The following QPCTL variants were observed in gnomAD, a reference collection of about 807,000 sequenced individuals.
The protein encoded by QPCTL is glutaminyl-peptide cyclotransferase-like protein.
A neutral mutation model predicts 34.6 loss-of-function variants in QPCTL; 31 were observed. The ratio of observed to expected loss-of-function variants is 0.90; its 90% CI spans 0.67 to 1.21. The LOEUF is 1.21. QPCTL is among the 50% of genes most tolerant of loss of function. The pLI, the probability that QPCTL is intolerant of heterozygous loss-of-function variation, is 0.00. For missense variants in QPCTL, 474 were observed against 507.8 expected (o/e 0.93, Z 0.64); for synonymous variants, 223 against 226.9 (o/e 0.98, Z 0.15).
At chr19:45,702,515 G>T (rs998268196) in intron 6 of QPCTL, among the ~76,000 whole-genome samples, 3 of 151,402 alleles carry the variant, frequency 2.0e-5, no homozygotes, top group Admixed American at 6.6e-5. Flanking sequence ...TGTAATCCTA[G>T]CACGTTGGGA....
At chr19:45,702,063 T>C (rs2146133446) in intron 6 of QPCTL, 149 bp downstream of exon 6, 1 of 627,108 alleles carries the variant, frequency 1.6e-6, no homozygotes, top group South Asian at 1.9e-5. Flanking sequence ...ATGGGGATAA[T>C]ACTCCCTATC....
chr19:45,703,062 A>G lies in QPCTL; in HGVS notation c.*13A>G. The G allele has an allele frequency of 1.2e-6, 2 of 1,614,122 alleles. No homozygotes were observed. The highest frequency in any genetic ancestry group is 1.7e-6 in the Non-Finnish European group (2 of 1,179,976). On this transcript the variant is annotated 3_prime_UTR_variant, in exon 7 of 7. Transcript: ENST00000012049. ...CCTGGGGCTCTAGCGTGCTTGGCCA[A>G]TGACTGTGGAGAGGACTGTGAGAGA...
Position 45,703,118 on chromosome 19 carries a change from G to A in QPCTL, c.*69G>A, listed in dbSNP as rs887090703. 2 of 1,584,658 alleles carry A rather than the reference G, an allele frequency of 1.3e-6. No homozygotes were observed. The highest frequency in any genetic ancestry group is 1.1e-5 in the South Asian group (1 of 89,616). ...TCCCAGCGGGGGCCAGTGAAGCTCA[G>A]GCAGGATCTGCCTAGGGTGTGCTGG... On this transcript the variant is annotated 3_prime_UTR_variant, in exon 7 of 7. Transcript: ENST00000012049.
In QPCTL at chr19:45,695,734, C is replaced by T. The variant is rs375670990; in HGVS notation, c.633+16C>T. ...CAAAAAACAGGTGAGGAGCAGGAGT[C>T]GGGGAGGGTAGTGGGCTACCTCCAC... is the stretch of plus-strand genomic sequence containing the variant. On this transcript the variant is annotated intron_variant, in intron 3 of 6. Coordinates refer to ENST00000012049, the MANE Select transcript of QPCTL (RefSeq NM_017659.4). The T allele has an allele frequency of 8.8e-6, 14 of 1,582,022 alleles. No individual in the cohort carries two copies. Among genetic ancestry groups the T allele is most frequent in the Middle Eastern group, 1.7e-4 (1 of 6,022 alleles).
At chr19:45,693,294 T>C (rs1327399158) in intron 1 of QPCTL, 119 bp from the exon 2 acceptor site, 2 of 1,323,208 alleles carry the variant, frequency 1.5e-6, no homozygotes, top group Admixed American at 2.3e-5. Flanking sequence ...TCTCCGATGC[T>C]GGAGGCGGCA....
At position 45,692,772 on chromosome 19, in the gene QPCTL, GC is replaced by G. The variant is rs1967596862; in HGVS notation, c.71del (p.Pro24ArgfsTer49). 1 of 1,590,158 alleles carries G rather than the reference GC, an allele frequency of 6.3e-7. No individual in the cohort carries two copies. The highest frequency in any genetic ancestry group is 8.6e-7 in the Non-Finnish European group (1 of 1,168,428). ...GERGLMEPLLPPKRRLLPRVR... is the reference protein window; with the variant it reads ...GERGLMEPLLXPKRRLLPRVR... ...AACGTGGCCTCATGGAGCCACTCTT[GC>G]CGCCGAAGCGCCGCCTGCTACCGCG... On this transcript the variant is annotated frameshift_variant, in exon 1 of 7. Coordinates refer to ENST00000012049, the MANE Select transcript of QPCTL (RefSeq NM_017659.4). LOFTEE classifies it high-confidence loss of function.
rs567658989 is a variant in QPCTL, at chr19:45,695,602, C to G, written c.517C>G (p.Leu173Val). 1 of 1,614,000 alleles carries G rather than the reference C, an allele frequency of 6.2e-7. No homozygotes were observed. Among genetic ancestry groups the G allele is most frequent in the Non-Finnish European group, 8.5e-7 (1 of 1,179,992 alleles). ...LTLACHYDSK[L>V]FPPGSTPFVG... ...CCTTGCCTGCCATTATGACTCGAAG[C>G]TCTTCCCACCCGGATCGACCCCCTT... Residue 173 changes from leucine to valine, a missense_variant, in exon 3 of 7, where the codon CTC (leucine) becomes GTC (valine). Leu to Val is a conservative substitution (Grantham distance 32). Transcript: ENST00000012049.
At chr19:45,698,273 A>C (rs1393877513) in intron 3 of QPCTL, among the ~76,000 whole-genome samples, 5 of 151,968 alleles carry the variant, frequency 3.3e-5, no homozygotes, top group East Asian at 1.9e-4. Flanking sequence ...ACAAAAAAAA[A>C]ACAAAAAACC....
In QPCTL at chr19:45,693,544, C is replaced by T. The variant is rs766813988; in HGVS notation, c.339C>T (p.Leu113=). The T allele has an allele frequency of 1.2e-6, 2 of 1,611,876 alleles. No homozygotes were observed. The highest frequency in any genetic ancestry group is 8.5e-7 in the Non-Finnish European group (1 of 1,178,778). The part of the protein sequence containing the change: ...VVRTPGSPGN[L]QVRKFLEATL... ...GAACCCCGGGCAGCCCGGGAAATCT[C>T]CAAGTCAGAAAGGTAAAGGGACCCA... Residue 113 remains leucine (L), a synonymous_variant, in exon 2 of 7, where the codon CTC becomes CTT. Transcript: ENST00000012049.
intron 3 of QPCTL, among the ~76,000 whole-genome samples, 161 bp downstream of exon 3, chr19:45,695,879 C>T (rs908940320): frequency 6.7e-6 from 1 of 148,906 alleles, no homozygotes; most frequent in African/African-American, 2.5e-5. Flanking sequence ...GAGTTTCGCT[C>T]TTGTTCCCCA....
chr19:45,700,757 G>A (rs1003264011), intron 5 of QPCTL, among the ~76,000 whole-genome samples: 13 of 152,024 alleles, frequency 8.6e-5, no homozygotes, highest in Admixed American at 5.9e-4. Context: ...TCAGCAGTTC[G>A]AGACCAGCTT....
Position 45,695,376 on chromosome 19 carries a change from G to A in QPCTL, c.352-61G>A, listed in dbSNP as rs1043119030. On this transcript the variant is annotated intron_variant, in intron 2 of 6. Transcript: ENST00000012049. ...TGCTCTGCATGGCTCAGGTCACGTG[G>A]CCCTTCTCCCCACCTCCTCCCCAGT... The A allele has an allele frequency of 9.4e-6, 14 of 1,487,686 alleles. No homozygotes were observed. The African/African-American group carries it at 1.4e-4, about 15-fold the overall frequency. 92.2% of individuals were successfully genotyped at this position (1,487,686 alleles called of 1,614,324 possible).
intron 6 of QPCTL, among the ~76,000 whole-genome samples, chr19:45,702,232 G>C (rs546736863): frequency 6.6e-6 from 1 of 151,684 alleles, no homozygotes; most frequent in Non-Finnish European, 1.5e-5. Flanking sequence ...GGGGTGGCGG[G>C]GGGGGATCCT....
rs1967671422 is a variant in QPCTL, at chr19:45,695,438, T to A, written c.353T>A (p.Phe118Tyr). The A allele has an allele frequency of 6.2e-7, 1 of 1,609,922 alleles. No individual in the cohort carries two copies. Among genetic ancestry groups the A allele is most frequent in the Admixed American group, 1.7e-5 (1 of 59,848 alleles). The change falls in exon 3 of 7, where the codon TTC (phenylalanine) becomes TAC (tyrosine). Residue 118 changes from phenylalanine to tyrosine, a missense_variant and splice_region_variant. By Grantham distance (22) the Phe-to-Tyr change is conservative (BLOSUM62 3). Coordinates refer to ENST00000012049, the MANE Select transcript of QPCTL (RefSeq NM_017659.4). ...CTCCCACCTCTCTCTTGCCGCTAGT[T>A]CCTGGAGGCCACGCTGCGGTCCCTG... ...GSPGNLQVRK[F>Y]LEATLRSLTA...
chr19:45,700,975 A>AG, intron 5 of QPCTL, among the ~76,000 whole-genome samples: 2 of 151,244 alleles, frequency 1.3e-5, no homozygotes, highest in Non-Finnish European at 2.9e-5. Context: ...AAAAAAAAAA[A>AG]AAGGCCGGAG....
At chr19:45,695,781 C>T in intron 3 of QPCTL, 63 bp downstream of exon 3, 2 of 1,484,740 alleles carry the variant, frequency 1.3e-6, no homozygotes, top group African/African-American at 1.4e-5. Context: ...CCCCCACCCT[C>T]CCTTGCCTGG....
rs911837357 is a variant in QPCTL at position 45,703,200 on chromosome 19, CTTTT to C, written c.*152_*155del. The C allele has an allele frequency of 2.6e-5, 27 of 1,036,238 alleles. No individual in the cohort carries two copies. The highest frequency in any genetic ancestry group is 3.3e-5 in the Non-Finnish European group (24 of 720,298). 64.2% of individuals were successfully genotyped at this position (1,036,238 alleles called of 1,614,324 possible). On this transcript the variant is annotated 3_prime_UTR_variant, in exon 7 of 7. Coordinates refer to ENST00000012049, the MANE Select transcript of QPCTL (RefSeq NM_017659.4). The stretch of plus-strand genomic sequence containing the variant: ...GTGCTACAATTGGAAGACCTTCTTT[CTTTT>C]GATTGTCTCAAGCTGCCACCCTTCA...
chr19:45,694,979 G>A (rs1967661649), intron 2 of QPCTL, among the ~76,000 whole-genome samples: 1 of 152,074 alleles, frequency 6.6e-6, no homozygotes, highest in Non-Finnish European at 1.5e-5. Flanking sequence ...CACTGTCAAG[G>A]GAATGATTTT....
chr19:45,694,195 C>G (rs1429499433), intron 2 of QPCTL, among the ~76,000 whole-genome samples: 2 of 152,098 alleles, frequency 1.3e-5, no homozygotes, highest in East Asian at 3.9e-4. Context: ...GCCTGGCCAA[C>G]ATGGTGAAAC....
Sources: allele counts gnomAD v4.1 joint callset (sites outside exome capture counted in the v4.1 genomes callset), GRCh38; gene constraint gnomAD v4.1.1; transcripts MANE v1.5; gene names NCBI Gene and HGNC (gene_info 2026-07-23, HGNC 2026-07-21).